MLF2: variants seen among roughly 807,000 people sequenced by gnomAD.
MLF2 encodes the protein myelodysplasia-myeloid leukemia factor 2.
MLF2 carries 12 observed loss-of-function variants against 31.4 expected under a neutral mutation model. The observed-to-expected ratio is 0.38, with a 90% CI of 0.24 to 0.62. The LOEUF is 0.62. Ranked by LOEUF, MLF2 falls within the 20% of genes least tolerant of loss-of-function variation. MLF2 has a pLI of 0.58. For missense variants in MLF2, 272 were observed against 359.7 expected (o/e 0.76, Z 1.97); for synonymous variants, 109 against 118.8 (o/e 0.92, Z 0.54).
chr12:6,752,018 A>C lies in MLF2; in HGVS notation c.87T>G (p.Arg29=), dbSNP rs368793228. ...TATATCCAAAGCCACCTGACAACAT[A>C]CGGCTCATATGCTGACGGTGAATAG... ...PFAIHRQHMS[R]MLSGGFGYSP... The change falls in exon 3 of 9, where the codon CGT becomes CGG. Residue 29 remains arginine, a synonymous_variant. Transcript: ENST00000203630. This position sits in a 1 kb window ranked among gnomAD's most constrained non-coding sequence, Gnocchi z 4.6. 1.5e-5 allele frequency: 24 copies of C among 1,614,210 alleles called. No individual in the cohort carries two copies. In the South Asian group the frequency reaches 2.3e-4, roughly 16 times the overall value.
In MLF2 at chr12:6,753,090, A is replaced by T; in HGVS notation, c.-180T>A. The T allele has an allele frequency of 1.0e-5, 4 of 390,958 alleles. No homozygotes were observed. Among genetic ancestry groups the T allele is most frequent in the Non-Finnish European group, 1.8e-5 (4 of 221,794 alleles). 24.2% of individuals were successfully genotyped at this position (390,958 alleles called of 1,614,324 possible). A position where few individuals can be genotyped will look rare whatever the true frequency, so the allele number is the denominator to read the frequency against. ...CTCCTCCCACAGCTGCCACCTCCGT[A>T]CGGCCCCCTCGGCCAACGGAGCCCG... On this transcript the variant is annotated 5_prime_UTR_variant, in exon 1 of 9. Transcript: ENST00000203630.
chr12:6,751,394 T>C (rs950625656), intron 4 of MLF2, among the ~76,000 whole-genome samples: 1 of 152,094 alleles, frequency 6.6e-6, no homozygotes, highest in Admixed American at 6.6e-5. Context: ...GGTTTCACCA[T>C]GTTGGCCAGT....
In MLF2 at chr12:6,748,790, G is replaced by C; in HGVS notation, c.*5C>G. 6.6e-7 allele frequency: 1 copy of C among 1,523,636 alleles called. No individual in the cohort carries two copies. Among genetic ancestry groups the C allele is most frequent in the Non-Finnish European group, 8.7e-7 (1 of 1,144,162 alleles). The allele number at this position is 1,523,636 out of a possible 1,614,324, so 94.4% of individuals were successfully genotyped here. On this transcript the variant is annotated 3_prime_UTR_variant, in exon 8 of 9. Transcript: ENST00000203630. This position sits in a 1 kb window ranked among gnomAD's most constrained non-coding sequence, Gnocchi z 4.6. ...CTTACAAGAGAGGCTGAGGGCCCGG[G>C]GCCCTCACCAGTCATAGCGGCGGGA...
chr12:6,751,854 A>T, intron 3 of MLF2, 71 bp downstream of exon 3: 1 of 1,600,028 alleles, frequency 6.2e-7, no homozygotes, highest in South Asian at 1.1e-5. Flanking sequence ...CTGTAGTGCA[A>T]GAAAATTAAG....
At chr12:6,751,066 A>C in intron 4 of MLF2, 1 of 391,128 alleles carries the variant, frequency 2.6e-6, no homozygotes, top group South Asian at 2.5e-5. Flanking sequence ...AACTCTAAAG[A>C]GGTAAGGCAT....
rs1391886670 is a variant in MLF2 at position 6,748,986 on chromosome 12, G to C, written c.560-4C>G. The stretch of plus-strand genomic sequence containing the variant: ...TCATCAAACGCTGCGGCCTCACCTG[G>C]AAAGGACAGAGCGGACATGAGGCCT... On this transcript the variant is annotated splice_region_variant and splice_polypyrimidine_tract_variant and intron_variant, in intron 7 of 8. Transcript: ENST00000203630. This position sits in a 1 kb window ranked among gnomAD's most constrained non-coding sequence, Gnocchi z 4.6. The C allele has an allele frequency of 3.8e-6, 6 of 1,588,350 alleles. No homozygotes were observed. The highest frequency in any genetic ancestry group is 5.1e-6 in the Non-Finnish European group (6 of 1,169,186).
In MLF2 at chr12:6,750,873, C is replaced by T. The variant is rs1017887658; in HGVS notation, c.217-107G>A. On this transcript the variant is annotated intron_variant, in intron 4 of 8. Coordinates refer to ENST00000203630, the MANE Select transcript of MLF2 (RefSeq NM_001382226.1). This position sits in a 1 kb window ranked among gnomAD's most constrained non-coding sequence, Gnocchi z 5.3. ...CATGGCTGCACATTTCCTTTCTCTT[C>T]TTCCTTCACATCTAGCAAGTTCTCT... 1.1e-5 allele frequency: 10 copies of T among 918,438 alleles called. No homozygotes were observed. The highest frequency in any genetic ancestry group is 7.9e-5 in the Admixed American group (4 of 50,588). 56.9% of individuals were successfully genotyped at this position (918,438 alleles called of 1,614,324 possible). A position where few individuals can be genotyped will look rare whatever the true frequency, so the allele number is the denominator to read the frequency against.
chr12:6,751,456 A>G (rs1272246397), intron 4 of MLF2, among the ~76,000 whole-genome samples, 185 bp downstream of exon 4: 1 of 152,128 alleles, frequency 6.6e-6, no homozygotes, highest in Non-Finnish European at 1.5e-5. Context: ...CCTCCCAACA[A>G]GAGTTTAACA....
Position 6,749,824 on chromosome 12 carries a change from C to A in MLF2, c.559+24G>T. ...GGGAACCGGGTTAGGGGCTGCCAGCCAGGAAGCGGGAGGGAAGGCTCACTC... is the reference window on the plus strand; with the variant it reads ...GGGAACCGGGTTAGGGGCTGCCAGCAAGGAAGCGGGAGGGAAGGCTCACTC... On this transcript the variant is annotated intron_variant, in intron 7 of 8. Coordinates refer to ENST00000203630, the MANE Select transcript of MLF2 (RefSeq NM_001382226.1). This position sits in a 1 kb window ranked among gnomAD's most constrained non-coding sequence, Gnocchi z 5.3. The A allele has an allele frequency of 6.2e-7, 1 of 1,612,690 alleles. No homozygotes were observed. The highest frequency in any genetic ancestry group is 8.5e-7 in the Non-Finnish European group (1 of 1,179,296).
chr12:6,751,295 G>A lies in MLF2; in HGVS notation c.216+346C>T, dbSNP rs970393681. On this transcript the variant is annotated intron_variant, in intron 4 of 8. Transcript: ENST00000203630. ...GGCAGTGGCGCAGTCTCGGCTCACT[G>A]CAATCTCCACCTCCCGGATTCAAGA... 20 of 299,328 alleles carry A rather than the reference G, an allele frequency of 6.7e-5. No individual in the cohort carries two copies. The South Asian group carries it at 7.0e-4, about 10-fold the overall frequency. The allele number at this position is 299,328 out of a possible 1,614,324, so 18.5% of individuals were successfully genotyped here.
Position 6,750,032 on chromosome 12 carries a change from A to ACT in MLF2, c.400-27_400-26dup, listed in dbSNP as rs1219729615. ...TCTGGGATGAGGCAGAACGTGGCAC[A>ACT]CTCAGCCGCCCCTTCCAAAGCCCTG... On this transcript the variant is annotated intron_variant, in intron 6 of 8. Transcript: ENST00000203630. The surrounding 1 kb of genome is among the most constrained non-coding windows in gnomAD (Gnocchi z 5.3). The ACT allele has an allele frequency of 1.9e-6, 3 of 1,613,472 alleles. No individual in the cohort carries two copies. In the Admixed American group the frequency reaches 5.0e-5, roughly 27 times the overall value.
Position 6,749,114 on chromosome 12 carries a change from A to G in MLF2, c.560-132T>C. 2.0e-6 allele frequency: 2 copies of G among 982,192 alleles called. No homozygotes were observed. The highest frequency in any genetic ancestry group is 2.9e-6 in the Non-Finnish European group (2 of 694,240). The allele number at this position is 982,192 out of a possible 1,614,324, so 60.8% of individuals were successfully genotyped here. A position where few individuals can be genotyped will look rare whatever the true frequency, so the allele number is the denominator to read the frequency against. Reference sequence around the variant, plus strand: ...GCGTGCAGGGATGGGTGGGGTGGCAATTCCCTTAGCTCTTTTGGTTTCTGC... The same window carrying G: ...GCGTGCAGGGATGGGTGGGGTGGCAGTTCCCTTAGCTCTTTTGGTTTCTGC... On this transcript the variant is annotated intron_variant, in intron 7 of 8. Transcript: ENST00000203630. The surrounding 1 kb of genome is among the most constrained non-coding windows in gnomAD (Gnocchi z 5.3).
In MLF2 at chr12:6,748,597, AC is replaced by A. The variant is rs199582682; in HGVS notation, c.*26-51del. The stretch of plus-strand genomic sequence containing the variant: ...ACAAGTCAAAAGGAAGAAAAAACTT[AC>A]GTTAAGAGCCAGGAGTTGGGGTTTA... On this transcript the variant is annotated intron_variant, in intron 8 of 8. Transcript: ENST00000203630. The surrounding 1 kb of genome is among the most constrained non-coding windows in gnomAD (Gnocchi z 4.6). 4.2e-3 allele frequency: 2,061 copies of A among 492,310 alleles called. 27 individuals carry two copies. The highest frequency in any genetic ancestry group is 0.035 in the African/African-American group (1,757 of 49,500). The allele number at this position is 492,310 out of a possible 1,614,324, so 30.5% of individuals were successfully genotyped here. A position where few individuals can be genotyped will look rare whatever the true frequency, so the allele number is the denominator to read the frequency against.
Position 6,749,747 on chromosome 12 carries a change from G to A in MLF2, c.559+101C>T, listed in dbSNP as rs547609332. On this transcript the variant is annotated intron_variant, in intron 7 of 8. Transcript: ENST00000203630. This position sits in a 1 kb window ranked among gnomAD's most constrained non-coding sequence, Gnocchi z 5.3. Reference sequence around the variant, plus strand: ...TCAAAAAAAAAAAAAAAGGAATATGGGGCTGACCCAGAGCTTTGCCCCAGA... The same window carrying A: ...TCAAAAAAAAAAAAAAAGGAATATGAGGCTGACCCAGAGCTTTGCCCCAGA... The A allele has an allele frequency of 6.9e-7, 1 of 1,456,494 alleles. No individual in the cohort carries two copies. The highest frequency in any genetic ancestry group is 9.4e-7 in the Non-Finnish European group (1 of 1,067,878). 90.2% of individuals were successfully genotyped at this position (1,456,494 alleles called of 1,614,324 possible).
Position 6,750,119 on chromosome 12 carries a change from T to C in MLF2, c.399+58A>G. 6.2e-7 allele frequency: 1 copy of C among 1,612,918 alleles called. No homozygotes were observed. The highest frequency in any genetic ancestry group is 1.1e-5 in the South Asian group (1 of 90,998). On this transcript the variant is annotated intron_variant, in intron 6 of 8. Transcript: ENST00000203630. The surrounding 1 kb of genome is among the most constrained non-coding windows in gnomAD (Gnocchi z 5.3). Reference sequence around the variant, plus strand: ...CCAATCCGGAAAAAAGCAGCCAGGGTTTCTGGCGGTGCCGCTCAATCCTAC... The same window carrying C: ...CCAATCCGGAAAAAAGCAGCCAGGGCTTCTGGCGGTGCCGCTCAATCCTAC...
chr12:6,749,142 G>C lies in MLF2; in HGVS notation c.560-160C>G, dbSNP rs1278847660. Among the ~76,000 whole-genome samples the C allele has an allele frequency of 2.0e-5, 3 of 152,344 alleles. No homozygotes were observed. Among genetic ancestry groups the C allele is most frequent in the African/African-American group, 4.8e-5 (2 of 41,594 alleles). ...CCCTTAGCTCTTTTGGTTTCTGCACGGTCCCAGGAAGCCACCGGTAGGCGT... is the reference window on the plus strand; with the variant it reads ...CCCTTAGCTCTTTTGGTTTCTGCACCGTCCCAGGAAGCCACCGGTAGGCGT... On this transcript the variant is annotated intron_variant, in intron 7 of 8. Coordinates refer to ENST00000203630, the MANE Select transcript of MLF2 (RefSeq NM_001382226.1). This position sits in a 1 kb window ranked among gnomAD's most constrained non-coding sequence, Gnocchi z 5.3.
Position 6,750,563 on chromosome 12 carries a change from G to T in MLF2, c.270+150C>A. On this transcript the variant is annotated intron_variant, in intron 5 of 8. Transcript: ENST00000203630. The surrounding 1 kb of genome is among the most constrained non-coding windows in gnomAD (Gnocchi z 5.3). ...CTGCTTCAGGCAGGCATGACAGCAGGTACAGGGTCCCAAGGCTCTCTGGTT... is the reference window on the plus strand; with the variant it reads ...CTGCTTCAGGCAGGCATGACAGCAGTTACAGGGTCCCAAGGCTCTCTGGTT... 9.9e-7 allele frequency: 1 copy of T among 1,006,450 alleles called. No homozygotes were observed. Among genetic ancestry groups the T allele is most frequent in the Non-Finnish European group, 1.5e-6 (1 of 671,356 alleles). The allele number at this position is 1,006,450 out of a possible 1,614,324, so 62.3% of individuals were successfully genotyped here. A position where few individuals can be genotyped will look rare whatever the true frequency, so the allele number is the denominator to read the frequency against.
Position 6,750,555 on chromosome 12 carries a change from G to T in MLF2, c.270+158C>A. On this transcript the variant is annotated intron_variant, in intron 5 of 8. Coordinates refer to ENST00000203630, the MANE Select transcript of MLF2 (RefSeq NM_001382226.1). This position sits in a 1 kb window ranked among gnomAD's most constrained non-coding sequence, Gnocchi z 5.3. ...GCTGCCGGCTGCTTCAGGCAGGCAT[G>T]ACAGCAGGTACAGGGTCCCAAGGCT... 1 of 957,528 alleles carries T rather than the reference G, an allele frequency of 1.0e-6. No homozygotes were observed. Among genetic ancestry groups the T allele is most frequent in the Non-Finnish European group, 1.6e-6 (1 of 632,762 alleles). The allele number at this position is 957,528 out of a possible 1,614,324, so 59.3% of individuals were successfully genotyped here. A position where few individuals can be genotyped will look rare whatever the true frequency, so the allele number is the denominator to read the frequency against.
Position 6,749,104 on chromosome 12 carries a change from T to A in MLF2, c.560-122A>T. ...GGCTGAGTGTGCGTGCAGGGATGGG[T>A]GGGGTGGCAATTCCCTTAGCTCTTT... On this transcript the variant is annotated intron_variant, in intron 7 of 8. Coordinates refer to ENST00000203630, the MANE Select transcript of MLF2 (RefSeq NM_001382226.1). This position sits in a 1 kb window ranked among gnomAD's most constrained non-coding sequence, Gnocchi z 5.3. 1 of 1,082,324 alleles carries A rather than the reference T, an allele frequency of 9.2e-7. No homozygotes were observed. 67.0% of individuals were successfully genotyped at this position (1,082,324 alleles called of 1,614,324 possible).
Sources: allele counts gnomAD v4.1 joint callset (sites outside exome capture counted in the v4.1 genomes callset), GRCh38; gene constraint gnomAD v4.1.1; non-coding constraint Gnocchi (gnomAD v3.1); transcripts MANE v1.5; gene names NCBI Gene and HGNC (gene_info 2026-07-23, HGNC 2026-07-21).